The following NRXN1 variants were observed in gnomAD, a reference collection of about 807,000 sequenced individuals.
The protein encoded by NRXN1 is neurexin-1.
In NRXN1, 39 loss-of-function variants were observed where a neutral mutation model predicts 150.9. That is an observed-to-expected ratio of 0.26 (90% CI 0.20 to 0.34). The LOEUF is 0.34. Ranked by LOEUF, NRXN1 falls within the 10% of genes least tolerant of loss-of-function variation. The pLI is 1.00. For missense variants in NRXN1, 1,815 were observed against 1,949.9 expected (o/e 0.93, Z 1.30); for synonymous variants, 924 against 757.0 (o/e 1.22, Z -3.62).
At chr2:50,043,737 T>G (rs1219945039) in intron 21 of NRXN1, among the ~76,000 whole-genome samples, 1 of 152,194 alleles carries the variant, frequency 6.6e-6, no homozygotes, top group East Asian at 1.9e-4. Context: ...TAAATGCTGG[T>G]CTATGTTTAA....
chr2:50,546,338 G>C (rs1200026809), intron 9 of NRXN1, among the ~76,000 whole-genome samples: 1 of 152,072 alleles, frequency 6.6e-6, no homozygotes, highest in Non-Finnish European at 1.5e-5. Flanking sequence ...GCTAATATTT[G>C]CCCCTGTGAG....
intron 17 of NRXN1, among the ~76,000 whole-genome samples, chr2:50,425,124 T>C (rs911116415): frequency 2.6e-5 from 4 of 152,224 alleles, no homozygotes; most frequent in Middle Eastern, 3.2e-3. Context: ...AACTTGATGG[T>C]GAGCATGCAA....
At chr2:50,118,352 T>C (rs1363863912) in intron 18 of NRXN1, among the ~76,000 whole-genome samples, 1 of 152,140 alleles carries the variant, frequency 6.6e-6, no homozygotes, top group African/African-American at 2.4e-5. Flanking sequence ...TTATAATGTA[T>C]GGGGAAGATT....
chr2:50,660,606 T>C (rs1324054736), intron 5 of NRXN1, among the ~76,000 whole-genome samples: 1 of 152,150 alleles, frequency 6.6e-6, no homozygotes, highest in East Asian at 1.9e-4. Flanking sequence ...AAGGGTAATG[T>C]GTAGCTTGCA....
chr2:50,453,881 A>G (rs532980722), intron 17 of NRXN1, among the ~76,000 whole-genome samples: 73 of 152,338 alleles, frequency 4.8e-4, no homozygotes, highest in Admixed American at 7.8e-4. Flanking sequence ...CAAATCTTAA[A>G]GCTTACATAA....
intron 21 of NRXN1, among the ~76,000 whole-genome samples, chr2:50,021,616 G>C (rs940799878): frequency 3.3e-5 from 5 of 152,164 alleles, no homozygotes; most frequent in Non-Finnish European, 7.3e-5. Flanking sequence ...ACTTACAAGA[G>C]ACAAGGATGT....
At chr2:50,314,448 A>G (rs1337330614) in intron 17 of NRXN1, among the ~76,000 whole-genome samples, 2 of 152,054 alleles carry the variant, frequency 1.3e-5, no homozygotes, top group African/African-American at 4.8e-5. Context: ...ACTCACCACA[A>G]TTAAAACAAA....
At chr2:50,419,198 A>C (rs765763568) in intron 17 of NRXN1, among the ~76,000 whole-genome samples, 39 of 152,104 alleles carry the variant, frequency 2.6e-4, no homozygotes, top group Non-Finnish European at 1.6e-4. Flanking sequence ...CTCTTAAGGC[A>C]ATGAACTGCA....
At chr2:50,033,547 C>T (rs1052321339) in intron 21 of NRXN1, among the ~76,000 whole-genome samples, 12 of 152,038 alleles carry the variant, frequency 7.9e-5, no homozygotes, top group Non-Finnish European at 1.5e-4. Context: ...TATGCAATAC[C>T]ATTCTCGACA....
chr2:50,419,285 T>G (rs2083785798), intron 17 of NRXN1, among the ~76,000 whole-genome samples: 1 of 152,120 alleles, frequency 6.6e-6, no homozygotes, highest in Non-Finnish European at 1.5e-5. Flanking sequence ...TCAGAAGACA[T>G]ACTTGGTAAT....
intron 18 of NRXN1, among the ~76,000 whole-genome samples, chr2:50,167,418 T>C (rs1194158870): frequency 6.6e-6 from 1 of 152,100 alleles, no homozygotes. Flanking sequence ...CGCCTGTTAA[T>C]TTTAAAACAC....
At chr2:50,645,000 T>C (rs145662014) in intron 5 of NRXN1, among the ~76,000 whole-genome samples, 6 of 152,094 alleles carry the variant, frequency 3.9e-5, no homozygotes, top group African/African-American at 1.4e-4. Context: ...CATATCACAG[T>C]GCATTTATAA....
intron 5 of NRXN1, among the ~76,000 whole-genome samples, chr2:50,624,514 T>C (rs1680641058): frequency 6.6e-6 from 1 of 152,076 alleles, no homozygotes; most frequent in Admixed American, 6.6e-5. Context: ...CAAACAGTTT[T>C]ATCATTGAGA....
intron 18 of NRXN1, among the ~76,000 whole-genome samples, chr2:50,148,956 G>C (rs2058532583): frequency 6.6e-6 from 1 of 151,646 alleles, no homozygotes; most frequent in African/African-American, 2.4e-5. Context: ...TAAATTTACA[G>C]TGTGTATAAT....
chr2:49,973,367 G>A (rs983451601), intron 21 of NRXN1, among the ~76,000 whole-genome samples: 5 of 151,882 alleles, frequency 3.3e-5, no homozygotes, highest in African/African-American at 1.2e-4. Context: ...ACATTAATCA[G>A]GTTTAATCAC....
At chr2:50,788,194 C>G (rs1705406298) in intron 5 of NRXN1, among the ~76,000 whole-genome samples, 1 of 151,788 alleles carries the variant, frequency 6.6e-6, no homozygotes, top group African/African-American at 2.4e-5. Context: ...TCACGCCATT[C>G]TCCTGCTTCT....
At chr2:50,550,404 A>C (rs1667268985) in intron 9 of NRXN1, among the ~76,000 whole-genome samples, 1 of 152,110 alleles carries the variant, frequency 6.6e-6, no homozygotes, top group South Asian at 2.1e-4. Flanking sequence ...ATAAAATCTG[A>C]CTTAAAATAT....
Position 50,346,915 on chromosome 2 carries a change from A to T in NRXN1, c.3365-109945T>A. 1 of 1,288,072 alleles carries T rather than the reference A, an allele frequency of 7.8e-7. No homozygotes were observed. Among genetic ancestry groups the T allele is most frequent in the Non-Finnish European group, 9.8e-7 (1 of 1,017,240 alleles). The allele number at this position is 1,288,072 out of a possible 1,614,324, so 79.8% of individuals were successfully genotyped here. On this transcript the variant is annotated intron_variant, in intron 17 of 22. Transcript: ENST00000401669. The surrounding 1 kb of genome is among the most constrained non-coding windows in gnomAD (Gnocchi z 5.0). ...GCCGCCGCCGCCCCCGGGCGAGCCC[A>T]GCTCGGCGCCGCACCGGAGCATCCT... is the stretch of plus-strand genomic sequence containing the variant.
At chr2:50,530,798 T>C (rs1254771903) in intron 11 of NRXN1, among the ~76,000 whole-genome samples, 2 of 152,172 alleles carry the variant, frequency 1.3e-5, no homozygotes, top group Non-Finnish European at 2.9e-5. Flanking sequence ...CAGCTCTTGA[T>C]CTAGATAACA....
Sources: gnomAD v4.1 joint callset for allele counts (sites outside exome capture counted in the v4.1 genomes callset) on GRCh38, gnomAD v4.1.1 for gene constraint, Gnocchi (gnomAD v3.1) non-coding constraint, MANE v1.5 for transcripts, NCBI Gene and HGNC (gene_info 2026-07-23, HGNC 2026-07-21) for gene names.